LARGE1: variants seen among roughly 807,000 people sequenced by gnomAD.
LARGE1 encodes LARGE xylosyl- and glucuronyltransferase 1.
In LARGE1, 43 loss-of-function variants were observed where a neutral mutation model predicts 87.6. The ratio of observed to expected loss-of-function variants is 0.49; its 90% confidence interval spans 0.38 to 0.63. LARGE1 has a LOEUF of 0.63. Among genes scored for constraint, LARGE1 ranks in the 30% least tolerant of loss-of-function variants. LARGE1 has a pLI of 0.00. For synonymous variants in LARGE1, 434 were observed against 394.6 expected, an observed-to-expected ratio of 1.10 and a Z score of -1.18; for missense variants, 802 against 1,000.2, an observed-to-expected ratio of 0.80 and a Z score of 2.67.
chr22:33,163,276 A>G (rs1922099055), exon 12 of LARGE1: 1 of 152,182 alleles, frequency 6.6e-6, no homozygotes, highest in African/African-American at 2.4e-5. Context: ...CTATTTACCA[A>G]TTTGTCACTT....
At chr22:33,127,430 CAT>C in the LARGE1 span, among the ~76,000 whole-genome samples, 1 of 152,148 alleles carries the variant, frequency 6.6e-6, no homozygotes, top group South Asian at 2.1e-4. Flanking sequence ...AAATATGATG[CAT>C]AAATTACCTC....
At chr22:33,694,766 AG>A (rs1603180038) in intron 2 of LARGE1, among the ~76,000 whole-genome samples, 2 of 152,306 alleles carry the variant, frequency 1.3e-5, no homozygotes, top group East Asian at 3.9e-4. Flanking sequence ...AGGATCAGGT[AG>A]CCCCCTAGTC....
At chr22:33,497,821 T>C (rs753688144) in intron 6 of LARGE1, among the ~76,000 whole-genome samples, 2 of 151,978 alleles carry the variant, frequency 1.3e-5, no homozygotes, top group Non-Finnish European at 2.9e-5. Flanking sequence ...GCGTACTTCA[T>C]CTCAGTTCAT....
chr22:33,570,434 G>T (rs1038923558), intron 5 of LARGE1, among the ~76,000 whole-genome samples: 3 of 152,042 alleles, frequency 2.0e-5, no homozygotes, highest in Admixed American at 1.3e-4. Flanking sequence ...CGGATCATGA[G>T]GTCAAGATAT....
At chr22:33,556,118 T>C (rs1055193617) in intron 6 of LARGE1, among the ~76,000 whole-genome samples, 2 of 151,980 alleles carry the variant, frequency 1.3e-5, no homozygotes, top group African/African-American at 4.8e-5. Context: ...TCACTAGCAA[T>C]GCTTTCCCTA....
chr22:33,256,284 A>C (rs1215178056), intron 11 of LARGE1, among the ~76,000 whole-genome samples: 3 of 152,246 alleles, frequency 2.0e-5, no homozygotes, highest in Non-Finnish European at 4.4e-5. Flanking sequence ...TATTTAAACC[A>C]TTCACAGAGC....
At chr22:33,610,328 A>T (rs1314866819) in intron 4 of LARGE1, among the ~76,000 whole-genome samples, 1 of 152,226 alleles carries the variant, frequency 6.6e-6, no homozygotes, top group East Asian at 1.9e-4. Context: ...AGGACACTGA[A>T]GTCCAGTCTG....
chr22:33,622,879 C>A (rs1464880587), intron 4 of LARGE1, among the ~76,000 whole-genome samples: 1 of 152,222 alleles, frequency 6.6e-6, no homozygotes, highest in Admixed American at 6.5e-5. Context: ...ATGCCATCAG[C>A]AGCTAATAAT....
intron 4 of LARGE1, among the ~76,000 whole-genome samples, chr22:33,619,504 G>A (rs536398514): frequency 1.1e-4 from 17 of 148,172 alleles, no homozygotes; most frequent in Admixed American, 2.7e-4. Context: ...GCAGTGAGCC[G>A]AGACTGCGCC....
chr22:33,480,423 TCTC>T (rs2069268342), intron 6 of LARGE1, among the ~76,000 whole-genome samples: 1 of 138,360 alleles, frequency 7.2e-6, no homozygotes. Context: ...GCGGGTATAA[TCTC>T]CTGCTCATTT....
chr22:33,687,560 T>G (rs1194285663), intron 2 of LARGE1, among the ~76,000 whole-genome samples: 1 of 152,138 alleles, frequency 6.6e-6, no homozygotes, highest in Non-Finnish European at 1.5e-5. Context: ...CAGACATTTG[T>G]TGAATGAGTG....
At chr22:33,731,752 CAG>C (rs934270962) in intron 2 of LARGE1, among the ~76,000 whole-genome samples, 2 of 152,140 alleles carry the variant, frequency 1.3e-5, no homozygotes, top group African/African-American at 4.8e-5. Flanking sequence ...CAGCAGGAAA[CAG>C]AGGTGATGGA....
chr22:33,231,481 T>C (rs1020947056), intron 11 of LARGE1, among the ~76,000 whole-genome samples: 3 of 152,266 alleles, frequency 2.0e-5, no homozygotes, highest in Non-Finnish European at 4.4e-5. Flanking sequence ...ATGTGTTTGA[T>C]ACATAGCACA....
chr22:33,560,084 G>A (rs2077810491), intron 6 of LARGE1, among the ~76,000 whole-genome samples: 1 of 152,138 alleles, frequency 6.6e-6, no homozygotes, highest in Non-Finnish European at 1.5e-5. Context: ...TGGATTCAAA[G>A]TTAGACTGTT....
intron 6 of LARGE1, among the ~76,000 whole-genome samples, chr22:33,517,086 C>T (rs5998983): frequency 0.017 from 2,533 of 152,288 alleles, 57 homozygotes; most frequent in African/African-American, 0.048. Context: ...TGAAAATCCT[C>T]AGCTCTGGGA....
At position 33,585,053 on chromosome 22, in the gene LARGE1, G is replaced by A. The variant is rs184226428; in HGVS notation, c.615+19382C>T. Reference sequence around the variant, plus strand: ...AATAGCTTGAATCTGGGAGGTGGAGGTTGCAGTGAGCCGAGATCGCACCAC... The same window carrying A: ...AATAGCTTGAATCTGGGAGGTGGAGATTGCAGTGAGCCGAGATCGCACCAC... On this transcript the variant is annotated intron_variant, in intron 5 of 14. Transcript: ENST00000397394. 9.8e-5 allele frequency among the ~76,000 whole-genome samples: 15 copies of A among 152,292 alleles called. No individual in the cohort carries two copies. The East Asian group carries it at 2.3e-3, about 24-fold the overall frequency.
chr22:33,384,396 G>T, intron 7 of LARGE1, 92 bp from the exon 8 acceptor site: 1 of 909,326 alleles, frequency 1.1e-6, no homozygotes, highest in East Asian at 2.5e-5. Flanking sequence ...ACAGTCTCTC[G>T]GGGATGATTG....
At chr22:33,524,320 T>A (rs1313099211) in intron 6 of LARGE1, among the ~76,000 whole-genome samples, 17 of 151,106 alleles carry the variant, frequency 1.1e-4, no homozygotes, top group Non-Finnish European at 2.2e-4. Flanking sequence ...AATAATAAAA[T>A]CAAGCCCATT....
intron 2 of LARGE1, 37 bp from the exon 3 acceptor site, chr22:33,650,705 T>C (rs2080775105): frequency 6.3e-7 from 1 of 1,596,160 alleles, no homozygotes; most frequent in Non-Finnish European, 8.5e-7. Context: ...TTAATCTGGA[T>C]GAACCATGCC....
Sources: gnomAD v4.1 joint callset for allele counts (sites outside exome capture counted in the v4.1 genomes callset) on GRCh38, gnomAD v4.1.1 for gene constraint, MANE v1.5 for transcripts, NCBI Gene and HGNC (gene_info 2026-07-23, HGNC 2026-07-21) for gene names.